PLCD4: variants seen among roughly 807,000 people sequenced by gnomAD.
PLCD4 encodes the protein phospholipase C delta 4, also known as 1-phosphatidylinositol 4,5-bisphosphate phosphodiesterase delta-4.
Under a neutral mutation model 90.2 loss-of-function variants are expected in PLCD4, and 63 were observed. That is an observed-to-expected ratio of 0.70 (90% CI 0.57 to 0.86). The LOEUF (loss-of-function observed/expected upper bound fraction) is 0.86. PLCD4 is among the 40% of genes least tolerant of loss of function. The probability of loss-of-function intolerance (pLI) is 0.00; values close to 1 mark genes in which losing one functional copy is unlikely to be tolerated. For missense variants in PLCD4, 830 were observed against 956.3 expected (o/e 0.87, Z 1.74); for synonymous variants, 294 against 356.5 (o/e 0.82, Z 1.97).
At position 218,634,305 on chromosome 2, in the gene PLCD4, A is replaced by G. The variant is rs1374824756; in HGVS notation, c.1723+84A>G. 1 of 1,570,608 alleles carries G rather than the reference A, an allele frequency of 6.4e-7. No homozygotes were observed. The highest frequency in any genetic ancestry group is 1.4e-5 in the African/African-American group (1 of 73,860). On this transcript the variant is annotated intron_variant, in intron 12 of 15. Coordinates refer to ENST00000450993, the MANE Select transcript of PLCD4 (RefSeq NM_032726.4). This position sits in a 1 kb window ranked among gnomAD's most constrained non-coding sequence, Gnocchi z 4.0. ...TTCTCTAGTGATGGTAGGGTTGGGGAATGCTCAAGAAAATTGCTAGGCTGA... is the reference window on the plus strand; with the variant it reads ...TTCTCTAGTGATGGTAGGGTTGGGGGATGCTCAAGAAAATTGCTAGGCTGA...
At chr2:218,616,917 TATATATATATAG>T (rs1236223625) in intron 3 of PLCD4, among the ~76,000 whole-genome samples, 2 of 24,610 alleles carry the variant, frequency 8.1e-5, no homozygotes, top group African/African-American at 1.4e-4. Context: ...TATATATATA[TATATATATATAG>T]AGAGAGAGAG....
intron 4 of PLCD4, among the ~76,000 whole-genome samples, chr2:218,620,868 T>A (rs1173529994): frequency 2.5e-5 from 3 of 117,816 alleles, no homozygotes; most frequent in Non-Finnish European, 4.8e-5. Flanking sequence ...CACTCCAGCC[T>A]GGGTGACGGA....
At position 218,635,919 on chromosome 2, in the gene PLCD4, G is replaced by A; in HGVS notation, c.2020G>A (p.Val674Met). Residue 674 changes from valine (V) to methionine (M), a missense_variant, in exon 14 of 16, where the codon GTG becomes ATG. Coordinates refer to ENST00000450993, the MANE Select transcript of PLCD4 (RefSeq NM_032726.4). The part of the protein sequence containing the change: ...LDTARQETNY[V>M]ENNGFNPYWG... ...CACAGCACGGCAGGAGACCAACTAT[G>A]TGGAGAACAATGGTGAGAAACTGGC... 1 of 1,614,036 alleles carries A rather than the reference G, an allele frequency of 6.2e-7. No homozygotes were observed. Among genetic ancestry groups the A allele is most frequent in the South Asian group, 1.1e-5 (1 of 91,086 alleles).
chr2:218,625,703 G>A (rs757009280), intron 6 of PLCD4, among the ~76,000 whole-genome samples: 3 of 152,222 alleles, frequency 2.0e-5, no homozygotes, highest in Non-Finnish European at 1.5e-5. Context: ...GGAGGCCAAG[G>A]CAGGCGGATC....
At chr2:218,611,892 C>T (rs1312458024) in intron 1 of PLCD4, among the ~76,000 whole-genome samples, 1 of 148,950 alleles carries the variant, frequency 6.7e-6, no homozygotes, top group Admixed American at 6.7e-5. Flanking sequence ...AGCCACCACA[C>T]CCTGCTAGAC....
intron 1 of PLCD4, chr2:218,609,614 C>T (rs994469812): frequency 6.6e-5 from 10 of 152,208 alleles, no homozygotes; most frequent in African/African-American, 1.7e-4. Flanking sequence ...TCTCATTGCA[C>T]CTGCATCAGC....
At chr2:218,619,969 C>T (rs557052596) in intron 4 of PLCD4, among the ~76,000 whole-genome samples, 1 of 152,210 alleles carries the variant, frequency 6.6e-6, no homozygotes, top group African/African-American at 2.4e-5. Context: ...CCGTGACAGC[C>T]TGGGCTCAAG....
chr2:218,618,229 T>C (rs904871957), intron 3 of PLCD4, among the ~76,000 whole-genome samples: 3 of 152,250 alleles, frequency 2.0e-5, no homozygotes, highest in South Asian at 2.1e-4. Flanking sequence ...GTGATCACCA[T>C]TGGGGCTGCC....
At chr2:218,612,746 T>C (rs898013059) in intron 1 of PLCD4, among the ~76,000 whole-genome samples, 1 of 152,106 alleles carries the variant, frequency 6.6e-6, no homozygotes, top group Admixed American at 6.6e-5. Context: ...CACTCCAGCC[T>C]GGCGACAGAG....
intron 7 of PLCD4, 59 bp from the exon 8 acceptor site, chr2:218,629,460 T>C: frequency 6.3e-7 from 1 of 1,589,522 alleles, no homozygotes; most frequent in African/African-American, 1.3e-5. Flanking sequence ...GGAGAGTCCC[T>C]AGGTAGAAGA....
At chr2:218,633,132 T>A (rs1052679378) in intron 10 of PLCD4, 3 of 486,284 alleles carry the variant, frequency 6.2e-6, no homozygotes, top group African/African-American at 5.8e-5. Context: ...GACTCTCACA[T>A]CCTTCCAGGT....
At chr2:218,628,349 C>A (rs1696206784) in intron 7 of PLCD4, 119 bp downstream of exon 7, 1 of 961,078 alleles carries the variant, frequency 1.0e-6, no homozygotes, top group Non-Finnish European at 1.6e-6. Flanking sequence ...GCTGAGGAGC[C>A]CTGGATACCA....
Position 218,634,060 on chromosome 2 carries a change from G to A in PLCD4, c.1607-45G>A. 6.4e-7 allele frequency: 1 copy of A among 1,563,548 alleles called. No individual in the cohort carries two copies. The highest frequency in any genetic ancestry group is 8.7e-7 in the Non-Finnish European group (1 of 1,153,736). ...ATGGTCCTTGGGACTAGGGAAGTGGGAGATTCCACCCCACTTCCATCTCCC... is the reference window on the plus strand; with the variant it reads ...ATGGTCCTTGGGACTAGGGAAGTGGAAGATTCCACCCCACTTCCATCTCCC... On this transcript the variant is annotated intron_variant, in intron 11 of 15. Coordinates refer to ENST00000450993, the MANE Select transcript of PLCD4 (RefSeq NM_032726.4). This position sits in a 1 kb window ranked among gnomAD's most constrained non-coding sequence, Gnocchi z 4.0.
At position 218,636,395 on chromosome 2, in the gene PLCD4, G is replaced by A. The variant is rs773689857; in HGVS notation, c.2182+3G>A. The A allele has an allele frequency of 7.4e-6, 12 of 1,613,900 alleles. No homozygotes were observed. Among genetic ancestry groups the A allele is most frequent in the Non-Finnish European group, 7.6e-6 (9 of 1,179,910 alleles). The stretch of plus-strand genomic sequence containing the variant: ...GCCTTGGACCTGCATGCAACAAGGT[G>A]AGCCAGCCCCTTTGGCCCCTGGCCA... On this transcript the variant is annotated splice_donor_region_variant and intron_variant, in intron 15 of 15. Coordinates refer to ENST00000450993, the MANE Select transcript of PLCD4 (RefSeq NM_032726.4).
rs1695941203 is a variant in PLCD4 at position 218,622,715 on chromosome 2, T to C, written c.609T>C (p.Thr203=). ...EEFVQFYKAL[T]KRAEVQELFE... is the part of the protein sequence containing the mutation. ...TCGTACAGTTCTATAAGGCATTGAC[T>C]AAACGTGCTGAGGTGCAGGAACTGT... is the stretch of plus-strand genomic sequence containing the variant. Residue 203 remains threonine (T), a synonymous_variant, in exon 6 of 16, where the codon ACT becomes ACC. Transcript: ENST00000450993. 6.2e-7 allele frequency: 1 copy of C among 1,613,950 alleles called. No homozygotes were observed. Among genetic ancestry groups the C allele is most frequent in the Non-Finnish European group, 8.5e-7 (1 of 1,179,914 alleles).
chr2:218,629,404 G>A (rs1696256364), intron 7 of PLCD4, 115 bp from the exon 8 acceptor site: 1 of 1,210,014 alleles, frequency 8.3e-7, no homozygotes, highest in Admixed American at 2.3e-5. Flanking sequence ...AGCTTGAAGG[G>A]GTCTGGATGG....
Position 218,615,908 on chromosome 2 carries a change from G to A in PLCD4, c.27G>A (p.Leu9=), listed in dbSNP as rs1695558553. ...CCCCTGCTTTTCCTGACCTAGAGCTGACCACTGATCAGGACTTGCTGCTGA... is the reference window on the plus strand; with the variant it reads ...CCCCTGCTTTTCCTGACCTAGAGCTAACCACTGATCAGGACTTGCTGCTGA... MASLLQDQ[L]TTDQDLLLMQ... Residue 9 remains leucine, a synonymous_variant, in exon 3 of 16, where the codon CTG becomes CTA. Coordinates refer to ENST00000450993, the MANE Select transcript of PLCD4 (RefSeq NM_032726.4). 6.2e-7 allele frequency: 1 copy of A among 1,614,012 alleles called. No homozygotes were observed. Among genetic ancestry groups the A allele is most frequent in the East Asian group, 2.2e-5 (1 of 44,886 alleles).
In PLCD4 at chr2:218,634,104, G is replaced by A; in HGVS notation, c.1607-1G>A. The A allele has an allele frequency of 6.2e-7, 1 of 1,607,352 alleles. No individual in the cohort carries two copies. Among genetic ancestry groups the A allele is most frequent in the Non-Finnish European group, 8.5e-7 (1 of 1,176,864 alleles). ...ATCTCCCTCTCTATACCCTTTTACA[G>A]GCAATGAGTTTGTGCAGCACAATAC... On this transcript the variant is annotated splice_acceptor_variant, in intron 11 of 15. Transcript: ENST00000450993. LOFTEE classifies it high-confidence loss of function. This position sits in a 1 kb window ranked among gnomAD's most constrained non-coding sequence, Gnocchi z 4.0.
chr2:218,618,733 C>A lies in PLCD4; in HGVS notation c.336C>A (p.Ala112=). ...LDLMANSVEE[A]QIWMRGLQLL... ...TGATGGCCAACAGTGTTGAGGAGGC[C>A]CAGATATGGATGCGAGGGCTCCAGC... The change falls in exon 4 of 16, where the codon GCC becomes GCA. Residue 112 remains alanine, a synonymous_variant. Coordinates refer to ENST00000450993, the MANE Select transcript of PLCD4 (RefSeq NM_032726.4). 1 of 1,612,396 alleles carries A rather than the reference C, an allele frequency of 6.2e-7. No individual in the cohort carries two copies. Among genetic ancestry groups the A allele is most frequent in the Non-Finnish European group, 8.5e-7 (1 of 1,179,290 alleles).
Sources: gnomAD v4.1 joint callset for allele counts (sites outside exome capture counted in the v4.1 genomes callset) on GRCh38, gnomAD v4.1.1 for gene constraint, Gnocchi (gnomAD v3.1) non-coding constraint, MANE v1.5 for transcripts, NCBI Gene and HGNC (gene_info 2026-07-23, HGNC 2026-07-21) for gene names.